The following TRPV3 variants were observed in gnomAD, a reference collection of about 807,000 sequenced individuals.
TRPV3 encodes transient receptor potential cation channel subfamily V member 3.
Under a neutral mutation model 87.1 loss-of-function variants are expected in TRPV3, and 88 were observed. That is an observed-to-expected ratio of 1.01 (90% CI 0.85 to 1.21). TRPV3 has a LOEUF of 1.21. Among genes scored for constraint, TRPV3 ranks in the 50% most tolerant of loss-of-function variants. The pLI, the probability that TRPV3 is intolerant of heterozygous loss-of-function variation, is 0.00. For synonymous variants in TRPV3, 438 were observed against 423.3 expected (o/e 1.03, Z -0.43); for missense variants, 1,054 against 1,030.1 (o/e 1.02, Z -0.32).
chr17:3,538,506 G>A (rs75245825), intron 6 of TRPV3, among the ~76,000 whole-genome samples: 6 of 151,458 alleles, frequency 4.0e-5, no homozygotes, highest in East Asian at 1.9e-4. Flanking sequence ...TCTGTACACC[G>A]TTGTGGGGAG....
chr17:3,514,104 G>T, intron 17 of TRPV3, 93 bp from the exon 18 acceptor site: 1 of 1,132,204 alleles, frequency 8.8e-7, no homozygotes, highest in Non-Finnish European at 1.2e-6. Context: ...TTGAGATGGA[G>T]TTTCCCTCTT....
intron 6 of TRPV3, among the ~76,000 whole-genome samples, chr17:3,542,155 C>G (rs2074469228): frequency 6.6e-6 from 1 of 152,070 alleles, no homozygotes; most frequent in East Asian, 1.9e-4. Flanking sequence ...CGGGGTTTCA[C>G]CATGTTGGTC....
At chr17:3,519,690 T>TTGGATGGAAGGATAGA (rs2074222569) in intron 14 of TRPV3, among the ~76,000 whole-genome samples, 2 of 32,728 alleles carry the variant, frequency 6.1e-5, no homozygotes, top group Non-Finnish European at 1.3e-4. Context: ...GGATGGATGA[T>TTGGATGGAAGGATAGA]TGGATGGATG....
intron 13 of TRPV3, among the ~76,000 whole-genome samples, chr17:3,523,970 G>A (rs531518663): frequency 1.3e-4 from 20 of 152,088 alleles, no homozygotes; most frequent in African/African-American, 4.1e-4. Flanking sequence ...CCAGGGGTGA[G>A]AACATTCCTC....
At position 3,516,483 on chromosome 17, in the gene TRPV3, G is replaced by T. The variant is rs375957310; in HGVS notation, c.2172C>A (p.Ala724=). The change falls in exon 16 of 18, where the codon GCC becomes GCA. Residue 724 remains alanine, a synonymous_variant. Transcript: ENST00000576742. ...GCAAACACAGTCGGAAATCATCCTCGGCCACTTTGCACAGCTCTCCCATCC... is the reference window on the plus strand; with the variant it reads ...GCAAACACAGTCGGAAATCATCCTCTGCCACTTTGCACAGCTCTCCCATCC... ...RFRMGELCKV[A]EDDFRLCLRI... The T allele has an allele frequency of 1.9e-6, 3 of 1,613,808 alleles. No individual in the cohort carries two copies. The highest frequency in any genetic ancestry group is 1.1e-5 in the South Asian group (1 of 91,082).
At position 3,517,604 on chromosome 17, in the gene TRPV3, A is replaced by T. The variant is rs570833272; in HGVS notation, c.2085+972T>A. Among the ~76,000 whole-genome samples the T allele has an allele frequency of 6.8e-5, 9 of 133,266 alleles. No homozygotes were observed. The East Asian group carries it at 2.2e-3, about 32-fold the overall frequency. The allele number at this position is 133,266 out of a possible 152,430, so 87.4% of individuals were successfully genotyped here. A position where few individuals can be genotyped will look rare whatever the true frequency, so the allele number is the denominator to read the frequency against. Reference sequence around the variant, plus strand: ...CACTGCACTCCAGCCTGGGCAACAGAGCAAGACCCTGTCTCAAAAAAAAAA... The same window carrying T: ...CACTGCACTCCAGCCTGGGCAACAGTGCAAGACCCTGTCTCAAAAAAAAAA... On this transcript the variant is annotated intron_variant, in intron 15 of 17. Transcript: ENST00000576742.
At chr17:3,519,379 TGGATGATTAG>T in intron 14 of TRPV3, among the ~76,000 whole-genome samples, 1 of 128,434 alleles carries the variant, frequency 7.8e-6, no homozygotes, top group African/African-American at 3.0e-5. Context: ...GATGGAGGGA[TGGATGATTAG>T]ATGGAGGGAT....
At chr17:3,521,357 G>C (rs1460161427) in intron 13 of TRPV3, among the ~76,000 whole-genome samples, 2 of 152,192 alleles carry the variant, frequency 1.3e-5, no homozygotes, top group Non-Finnish European at 2.9e-5. Flanking sequence ...CAGCTCAGAA[G>C]AGCTCGCAAG....
intron 2 of TRPV3, among the ~76,000 whole-genome samples, chr17:3,547,551 G>T (rs1302549755): frequency 6.6e-6 from 1 of 152,242 alleles, no homozygotes; most frequent in Non-Finnish European, 1.5e-5. Context: ...GACCTGGGAG[G>T]TGGAGGTTGC....
intron 4 of TRPV3, 123 bp from the exon 5 acceptor site, chr17:3,543,751 A>G (rs2074491857): frequency 3.1e-6 from 4 of 1,299,720 alleles, no homozygotes; most frequent in African/African-American, 1.5e-5. Flanking sequence ...TGCCTGTCAC[A>G]ATGCCTGCAA....
rs994704492 is a variant in TRPV3 at position 3,513,348 on chromosome 17, C to A, written c.*569G>T. On this transcript the variant is annotated 3_prime_UTR_variant, in exon 18 of 18. Transcript: ENST00000576742. ...ACTCCAAGGATGGTCTCCTTTTCCCCGAAGGGTTCCGGAAGGGTGTTTCCA... is the reference window on the plus strand; with the variant it reads ...ACTCCAAGGATGGTCTCCTTTTCCCAGAAGGGTTCCGGAAGGGTGTTTCCA... 6.5e-6 allele frequency: 1 copy of A among 152,866 alleles called. No homozygotes were observed. The highest frequency in any genetic ancestry group is 1.5e-5 in the Non-Finnish European group (1 of 68,236). The allele number at this position is 152,866 out of a possible 1,614,324, so 9.5% of individuals were successfully genotyped here.
chr17:3,554,793 T>C lies in TRPV3; in HGVS notation c.58A>G (p.Ser20Gly), dbSNP rs2074611720. ...TCTGGCAGGATGGCAGGGTTCCCAC[T>C]GGGGGCAGCAACTCTCTTGCCCATG... The part of the protein sequence containing the change: ...PLMGKRVAAP[S>G]GNPAILPEKR... The change falls in exon 2 of 18, where the codon AGT becomes GGT. Residue 20 changes from serine (S) to glycine (G), a missense_variant. Ser to Gly is a moderately conservative substitution (Grantham distance 56). Transcript: ENST00000576742. The C allele has an allele frequency of 1.9e-6, 3 of 1,612,838 alleles. No homozygotes were observed. The highest frequency in any genetic ancestry group is 2.5e-6 in the Non-Finnish European group (3 of 1,179,574).
At chr17:3,532,564 G>A (rs2074358071) in intron 8 of TRPV3, 93 bp downstream of exon 8, 1 of 1,460,926 alleles carries the variant, frequency 6.8e-7, no homozygotes, top group Non-Finnish European at 9.3e-7. Flanking sequence ...GCTGTGGTTT[G>A]TGAATCCCCA....
Position 3,557,065 on chromosome 17 carries a change from C to A in TRPV3, c.-3+611G>T, listed in dbSNP as rs901969272. The stretch of plus-strand genomic sequence containing the variant: ...TCTGGGGCAGGAGAGGCTCAGGGAA[C>A]TCTGGACTAGGGCCGCAGCAGCTAT... On this transcript the variant is annotated intron_variant, in intron 1 of 17. Coordinates refer to ENST00000576742, the MANE Select transcript of TRPV3 (RefSeq NM_145068.4). The surrounding 1 kb of genome is among the most constrained non-coding windows in gnomAD (Gnocchi z 4.5). Among the ~76,000 whole-genome samples the A allele has an allele frequency of 2.0e-5, 3 of 152,198 alleles. No individual in the cohort carries two copies. Among genetic ancestry groups the A allele is most frequent in the African/African-American group, 7.2e-5 (3 of 41,526 alleles).
At chr17:3,522,332 GA>G (rs1248701605) in intron 13 of TRPV3, among the ~76,000 whole-genome samples, 1 of 152,056 alleles carries the variant, frequency 6.6e-6, no homozygotes, top group Non-Finnish European at 1.5e-5. Flanking sequence ...CCTTCTCTTC[GA>G]TTTCACTTTC....
rs1272809541 is a variant in TRPV3 at position 3,524,292 on chromosome 17, C to A, written c.1649G>T (p.Cys550Phe). 1.2e-6 allele frequency: 2 copies of A among 1,614,148 alleles called. No homozygotes were observed. The highest frequency in any genetic ancestry group is 2.7e-5 in the African/African-American group (2 of 74,958). ...GCCCAGGGCCATGGCCAGCACGAGG[C>A]AGGCGAGGTACTCTTTGTAGGCAAA... ...YLFAYKEYLACLVLAMALGWA... is the reference protein window; with the variant it reads ...YLFAYKEYLAFLVLAMALGWA... The change falls in exon 13 of 18, where the codon TGC becomes TTC. Residue 550 changes from cysteine (C) to phenylalanine (F), a missense_variant. Coordinates refer to ENST00000576742, the MANE Select transcript of TRPV3 (RefSeq NM_145068.4).
intron 14 of TRPV3, among the ~76,000 whole-genome samples, chr17:3,519,422 TTGGA>T (rs59693032): frequency 6.3e-5 from 7 of 111,162 alleles, no homozygotes; most frequent in Admixed American, 9.1e-5. Flanking sequence ...GGATGGATGA[TTGGA>T]TGGATGGATG....
chr17:3,531,138 G>A (rs1345274372), intron 8 of TRPV3, among the ~76,000 whole-genome samples: 1 of 152,174 alleles, frequency 6.6e-6, no homozygotes, highest in Non-Finnish European at 1.5e-5. Context: ...TATCCAGGGT[G>A]GGACCCAGGA....
Position 3,512,387 on chromosome 17 carries a change from C to G in TRPV3, c.*1530G>C, listed in dbSNP as rs1174598129. 6.6e-6 allele frequency: 1 copy of G among 152,222 alleles called. No individual in the cohort carries two copies. The highest frequency in any genetic ancestry group is 1.5e-5 in the Non-Finnish European group (1 of 68,074). The allele number at this position is 152,222 out of a possible 1,614,324, so 9.4% of individuals were successfully genotyped here. ...TCAGGGGCACAAAGTCTCTATCTGT[C>G]CAGCTAGTCTGGCACACAGAGTGGC... On this transcript the variant is annotated 3_prime_UTR_variant, in exon 18 of 18. Transcript: ENST00000576742.
Sources: allele counts gnomAD v4.1 joint callset (sites outside exome capture counted in the v4.1 genomes callset), GRCh38; gene constraint gnomAD v4.1.1; non-coding constraint Gnocchi (gnomAD v3.1); transcripts MANE v1.5; gene names NCBI Gene and HGNC (gene_info 2026-07-23, HGNC 2026-07-21).